Variants in EIF4B observed in about 807,000 individuals in gnomAD.
EIF4B encodes eukaryotic translation initiation factor 4B.
EIF4B carries 8 observed loss-of-function variants against 79.3 expected under a neutral mutation model. The observed-to-expected ratio is 0.10, with a 90% CI of 0.06 to 0.18. The LOEUF (loss-of-function observed/expected upper bound fraction) is 0.18. Ranked by LOEUF, EIF4B falls within the 10% of genes least tolerant of loss-of-function variation. The pLI, the probability that EIF4B is intolerant of heterozygous loss-of-function variation, is 1.00. For missense variants in EIF4B, 515 were observed against 792.4 expected (o/e 0.65, Z 4.20); for synonymous variants, 238 against 274.7 (o/e 0.87, Z 1.32).
intron 8 of EIF4B, among the ~76,000 whole-genome samples, chr12:53,030,885 C>A (rs1392330829): frequency 6.6e-6 from 1 of 152,170 alleles, no homozygotes; most frequent in Admixed American, 6.5e-5. Context: ...AGTGGAGGCT[C>A]AGATGTGGGC....
intron 6 of EIF4B, among the ~76,000 whole-genome samples, chr12:53,026,119 A>C (rs191074049): frequency 6.6e-4 from 100 of 152,288 alleles, no homozygotes; most frequent in Admixed American, 2.0e-3. Context: ...AGAGAAAGAA[A>C]AAGATCCCTG....
At chr12:53,035,840 A>G (rs1011528041) in intron 10 of EIF4B, among the ~76,000 whole-genome samples, 1 of 151,402 alleles carries the variant, frequency 6.6e-6, no homozygotes, top group Non-Finnish European at 1.5e-5. Context: ...ATTTATTGAG[A>G]TGGAGTCTCG....
At chr12:53,031,949 A>G (rs1020819469) in intron 8 of EIF4B, among the ~76,000 whole-genome samples, 3 of 152,206 alleles carry the variant, frequency 2.0e-5, no homozygotes, top group African/African-American at 7.2e-5. Context: ...TTGTATATCC[A>G]AAATATTTAG....
At chr12:53,010,904 A>C (rs1453805232) in intron 1 of EIF4B, among the ~76,000 whole-genome samples, 1 of 152,180 alleles carries the variant, frequency 6.6e-6, no homozygotes, top group African/African-American at 2.4e-5. Flanking sequence ...AGAATGTGGC[A>C]GAACTCACTT....
rs1304646555 is a variant in EIF4B at position 53,033,824 on chromosome 12, A to G, written c.998A>G (p.Lys333Arg). 6.9e-6 allele frequency: 11 copies of G among 1,602,976 alleles called. No individual in the cohort carries two copies. The highest frequency in any genetic ancestry group is 9.4e-6 in the Non-Finnish European group (11 of 1,174,612). The change falls in exon 9 of 15, where the codon AAA (lysine) becomes AGA (arginine). Residue 333 changes from lysine to arginine, a missense_variant. Coordinates refer to ENST00000262056, the MANE Select transcript of EIF4B (RefSeq NM_001417.7). Reference protein sequence around the residue: ...RDDRGPPQRPKLNLKPRSTPK... With the variant: ...RDDRGPPQRPRLNLKPRSTPK... Reference sequence around the variant, plus strand: ...AACTTAGGTCCCCCCCAAAGACCCAAACTGAATCTAAAGCCTCGGAGTACT... The same window carrying G: ...AACTTAGGTCCCCCCCAAAGACCCAGACTGAATCTAAAGCCTCGGAGTACT...
intron 8 of EIF4B, among the ~76,000 whole-genome samples, chr12:53,032,451 A>C (rs1216236402): frequency 6.6e-6 from 1 of 152,090 alleles, no homozygotes; most frequent in Non-Finnish European, 1.5e-5. Flanking sequence ...AAGAACTAGA[A>C]TCTTCCCTAT....
At position 53,032,774 on chromosome 12, in the gene EIF4B, C is replaced by T. The variant is rs574745720; in HGVS notation, c.980-1032C>T. Among the ~76,000 whole-genome samples the T allele has an allele frequency of 4.6e-5, 7 of 150,784 alleles. No individual in the cohort carries two copies. In the South Asian group the frequency reaches 1.5e-3, roughly 31 times the overall value. On this transcript the variant is annotated intron_variant, in intron 8 of 14. Transcript: ENST00000262056. ...CCTCCGCCTCCCCGGTGGGTTCAAGCGATTCTCCTGCCTCAGTCTCCTGAG... is the reference window on the plus strand; with the variant it reads ...CCTCCGCCTCCCCGGTGGGTTCAAGTGATTCTCCTGCCTCAGTCTCCTGAG...
intron 9 of EIF4B, among the ~76,000 whole-genome samples, 184 bp downstream of exon 9, chr12:53,034,218 T>G (rs1943497236): frequency 6.6e-6 from 1 of 152,202 alleles, no homozygotes; most frequent in African/African-American, 2.4e-5. Flanking sequence ...TTTTACACAA[T>G]GAAGAGTTGT....
At chr12:53,027,656 CTT>C in intron 6 of EIF4B, 124 bp from the exon 7 acceptor site, 1 of 1,432,922 alleles carries the variant, frequency 7.0e-7, no homozygotes, top group South Asian at 1.7e-5. Flanking sequence ...ACCAGGGAAA[CTT>C]TTTGAAGAAA....
intron 6 of EIF4B, among the ~76,000 whole-genome samples, 184 bp downstream of exon 6, chr12:53,022,811 A>AT (rs1321021653): frequency 6.6e-6 from 1 of 152,046 alleles, no homozygotes; most frequent in East Asian, 1.9e-4. Context: ...TAAATTAATA[A>AT]TTTTTTTTGA....
At chr12:53,022,729 A>G in intron 6 of EIF4B, 102 bp downstream of exon 6, 1 of 1,386,468 alleles carries the variant, frequency 7.2e-7, no homozygotes, top group Admixed American at 3.0e-5. Context: ...AACAGATAGA[A>G]GGAGGAAAGC....
chr12:53,027,079 C>G (rs993451336), intron 6 of EIF4B, among the ~76,000 whole-genome samples: 3 of 144,918 alleles, frequency 2.1e-5, no homozygotes, highest in Non-Finnish European at 4.5e-5. Flanking sequence ...TGCTTAAGCC[C>G]GGGAGTCCAA....
rs1943642422 is a variant in EIF4B at position 53,041,725 on chromosome 12, A to G, written c.*1502A>G. On this transcript the variant is annotated 3_prime_UTR_variant, in exon 15 of 15. Transcript: ENST00000262056. ...TAGATTAGGCCCTGTTCAGCCATGC[A>G]GGGGTGTTGGTTTATGCGTGCTGCA... 6.6e-6 allele frequency: 1 copy of G among 152,134 alleles called. No homozygotes were observed. The highest frequency in any genetic ancestry group is 6.5e-5 in the Admixed American group (1 of 15,270). The allele number at this position is 152,134 out of a possible 1,614,324, so 9.4% of individuals were successfully genotyped here.
intron 7 of EIF4B, 44 bp from the exon 8 acceptor site, chr12:53,027,971 T>C (rs766391486): frequency 1.1e-5 from 17 of 1,607,978 alleles, no homozygotes; most frequent in Middle Eastern, 1.7e-4. Flanking sequence ...CCTTTTTTTT[T>C]TCCCCCTCCG....
rs1400469833 is a variant in EIF4B, at chr12:53,026,066, C to G, written c.668-1716C>G. Among the ~76,000 whole-genome samples, 5 of 152,012 alleles carry G rather than the reference C, an allele frequency of 3.3e-5. No individual in the cohort carries two copies. The East Asian group carries it at 9.7e-4, about 29-fold the overall frequency. The stretch of plus-strand genomic sequence containing the variant: ...GTGAGCCCGCGATTGTGCCACTGCA[C>G]TCCAGCTTGGGCGACAGAGTGAGAC... On this transcript the variant is annotated intron_variant, in intron 6 of 14. Coordinates refer to ENST00000262056, the MANE Select transcript of EIF4B (RefSeq NM_001417.7).
chr12:53,022,141 T>C (rs745832690), intron 5 of EIF4B: 28 of 656,272 alleles, frequency 4.3e-5, no homozygotes, highest in Non-Finnish European at 6.0e-5. Flanking sequence ...CCAAAATGCA[T>C]GTCAAGATTG....
chr12:53,016,739 A>G, intron 2 of EIF4B, 129 bp downstream of exon 2: 1 of 1,309,898 alleles, frequency 7.6e-7, no homozygotes, highest in Non-Finnish European at 1.0e-6. Flanking sequence ...AATCTTACAT[A>G]TTTTATAGAA....
chr12:53,014,554 C>T (rs1009519744), intron 1 of EIF4B: 18 of 152,156 alleles, frequency 1.2e-4, no homozygotes, highest in Non-Finnish European at 1.3e-4. Flanking sequence ...TTATTTTAGC[C>T]GGGTTCATCT....
chr12:53,026,550 A>G (rs1565589045), intron 6 of EIF4B, among the ~76,000 whole-genome samples: 1 of 152,260 alleles, frequency 6.6e-6, no homozygotes. Context: ...ATGACTTCAA[A>G]TCTTTTCATG....
Sources: gnomAD v4.1 joint callset for allele counts (sites outside exome capture counted in the v4.1 genomes callset) on GRCh38, gnomAD v4.1.1 for gene constraint, MANE v1.5 for transcripts, NCBI Gene and HGNC (gene_info 2026-07-23, HGNC 2026-07-21) for gene names.